Variants in DOCK1 observed in about 807,000 individuals in gnomAD.
DOCK1 encodes dedicator of cytokinesis 1.
In DOCK1, 138 loss-of-function variants were observed where a neutral mutation model predicts 262.7. That is an observed-to-expected ratio of 0.53 (90% CI 0.46 to 0.61). The LOEUF (loss-of-function observed/expected upper bound fraction) is 0.61, where lower values mean the gene tolerates loss of function less well. Ranked by LOEUF, DOCK1 falls within the 20% of genes least tolerant of loss-of-function variation. The pLI is 0.00. For synonymous variants in DOCK1, 866 were observed against 867.4 expected (o/e 1.00, Z 0.03); for missense variants, 1,908 against 2,370.7 (o/e 0.80, Z 4.05).
In DOCK1 at chr10:126,990,128, G is replaced by T. The variant is rs531631827; in HGVS notation, c.325-327G>T. Among the ~76,000 whole-genome samples, 7 of 152,298 alleles carry T rather than the reference G, an allele frequency of 4.6e-5. No homozygotes were observed. In the South Asian group the frequency reaches 1.5e-3, roughly 32 times the overall value. Reference sequence around the variant, plus strand: ...AGACTTGCCCATCTCTGATCCAGATGCAGGAAGCTCACGAGCAGGTGTTGA... The same window carrying T: ...AGACTTGCCCATCTCTGATCCAGATTCAGGAAGCTCACGAGCAGGTGTTGA... On this transcript the variant is annotated intron_variant, in intron 5 of 51. Coordinates refer to ENST00000623213, the MANE Select transcript of DOCK1 (RefSeq NM_001290223.2).
intron 23 of DOCK1, among the ~76,000 whole-genome samples, chr10:127,083,966 A>G (rs556238180): frequency 2.0e-5 from 3 of 152,216 alleles, no homozygotes; most frequent in Admixed American, 6.5e-5. Flanking sequence ...AAAAATATTT[A>G]TAATTTCCCA....
intron 33 of DOCK1, among the ~76,000 whole-genome samples, chr10:127,362,616 C>A (rs1173085897): frequency 6.6e-6 from 1 of 152,126 alleles, no homozygotes; most frequent in Admixed American, 6.5e-5. Context: ...TGCTTTTATT[C>A]TCTTAAGTGT....
chr10:127,002,962 G>T (rs1448119203), intron 10 of DOCK1, among the ~76,000 whole-genome samples: 2 of 152,262 alleles, frequency 1.3e-5, no homozygotes, highest in African/African-American at 2.4e-5. Flanking sequence ...TCTCCTCACT[G>T]CTCTGCTCTG....
chr10:127,335,667 C>T (rs1306301436), intron 29 of DOCK1, among the ~76,000 whole-genome samples: 1 of 151,830 alleles, frequency 6.6e-6, no homozygotes, highest in Admixed American at 6.6e-5. Context: ...CCTGCCTCAG[C>T]CTCCTGAGTA....
chr10:127,097,113 GA>G (rs201021318), intron 23 of DOCK1, among the ~76,000 whole-genome samples: 256 of 149,764 alleles, frequency 1.7e-3, no homozygotes, highest in South Asian at 0.01. Context: ...TCAGAAAGGA[GA>G]AAAAAAAAAT....
intron 1 of DOCK1, among the ~76,000 whole-genome samples, chr10:126,930,442 A>T (rs1210406201): frequency 2.6e-5 from 4 of 151,826 alleles, no homozygotes; most frequent in African/African-American, 9.7e-5. Context: ...TTCACTTCTT[A>T]CCTCCCTGAG....
intron 1 of DOCK1, among the ~76,000 whole-genome samples, chr10:126,906,033 C>G (rs1004687406): frequency 6.6e-6 from 1 of 152,080 alleles, no homozygotes; most frequent in Non-Finnish European, 1.5e-5. Flanking sequence ...CAGGTCGGCG[C>G]GGTCCCAGCG....
chr10:127,033,131 C>T (rs1210731564), intron 18 of DOCK1, among the ~76,000 whole-genome samples: 1 of 152,178 alleles, frequency 6.6e-6, no homozygotes, highest in Non-Finnish European at 1.5e-5. Flanking sequence ...GGGAGCTCAC[C>T]TCCCTCTTTA....
At chr10:126,931,096 G>A (rs1340976335) in intron 1 of DOCK1, among the ~76,000 whole-genome samples, 4 of 152,074 alleles carry the variant, frequency 2.6e-5, no homozygotes, top group African/African-American at 9.7e-5. Context: ...CACGCCCACC[G>A]AGCCAGGTCT....
At chr10:127,434,669 T>C (rs1041058508) in intron 48 of DOCK1, among the ~76,000 whole-genome samples, 1 of 151,850 alleles carries the variant, frequency 6.6e-6, no homozygotes, top group Non-Finnish European at 1.5e-5. Context: ...TTTTTTTTTT[T>C]TTGAGACGGA....
chr10:127,274,589 C>T (rs1448118952), intron 29 of DOCK1, among the ~76,000 whole-genome samples: 2 of 152,028 alleles, frequency 1.3e-5, no homozygotes, highest in African/African-American at 2.4e-5. Flanking sequence ...TTTTGCAGGC[C>T]ACATGAACCT....
At chr10:127,309,509 T>C (rs1360099539) in intron 29 of DOCK1, among the ~76,000 whole-genome samples, 1 of 152,248 alleles carries the variant, frequency 6.6e-6, no homozygotes, top group Non-Finnish European at 1.5e-5. Context: ...CATGAAGTCT[T>C]TGCCCATGCC....
At chr10:127,362,882 T>TGCACATC (rs376564994) in intron 33 of DOCK1, among the ~76,000 whole-genome samples, 2 of 3,616 alleles carry the variant, frequency 5.5e-4, no homozygotes, top group African/African-American at 2.2e-3. Flanking sequence ...CACATACACA[T>TGCACATC]CCCCACACAC....
chr10:127,444,033 T>G, intron 49 of DOCK1, 93 bp from the exon 50 acceptor site: 1 of 1,480,238 alleles, frequency 6.8e-7, no homozygotes, highest in East Asian at 2.5e-5. Flanking sequence ...TCTAAGGTAA[T>G]GGGGGTCAGG....
chr10:127,246,918 A>G (rs768473513), intron 27 of DOCK1, among the ~76,000 whole-genome samples: 5 of 152,216 alleles, frequency 3.3e-5, no homozygotes, highest in Non-Finnish European at 5.9e-5. Context: ...TCATGCTATA[A>G]TTTTACCAAA....
chr10:127,071,248 T>A (rs2046216407), intron 23 of DOCK1, among the ~76,000 whole-genome samples: 1 of 152,130 alleles, frequency 6.6e-6, no homozygotes, highest in Non-Finnish European at 1.5e-5. Context: ...GCTGCAGCAT[T>A]CCAGTCTTCT....
intron 27 of DOCK1, chr10:127,137,548 G>A (rs551874550): frequency 2.2e-4 from 67 of 303,696 alleles, no homozygotes; most frequent in Middle Eastern, 1.8e-3. Flanking sequence ...CTTGCAGATC[G>A]GGGGTGGGGG....
chr10:127,302,741 GGTGTGTGTGT>G (rs1196456742), intron 29 of DOCK1, among the ~76,000 whole-genome samples: 1 of 108,136 alleles, frequency 9.2e-6, no homozygotes, highest in South Asian at 3.2e-4. Flanking sequence ...GAAAAGAGGG[GGTGTGTGTGT>G]GTGTGTGTGT....
chr10:126,910,418 C>T (rs2134007683), intron 1 of DOCK1, among the ~76,000 whole-genome samples: 1 of 152,352 alleles, frequency 6.6e-6, no homozygotes, highest in East Asian at 1.9e-4. Context: ...GCTGACGCCC[C>T]AGGGCCATCG....
Sources: gnomAD v4.1 joint callset for allele counts (sites outside exome capture counted in the v4.1 genomes callset) on GRCh38, gnomAD v4.1.1 for gene constraint, MANE v1.5 for transcripts, NCBI Gene and HGNC (gene_info 2026-07-23, HGNC 2026-07-21) for gene names.